The following CSMD3 variants were observed in gnomAD, a reference collection of about 807,000 sequenced individuals.
CSMD3 encodes CUB and sushi domain-containing protein 3.
CSMD3 carries 177 observed loss-of-function variants against 435.2 expected under a neutral mutation model. The ratio of observed to expected loss-of-function variants is 0.41; its 90% confidence interval spans 0.36 to 0.46. The LOEUF (loss-of-function observed/expected upper bound fraction) is 0.46, where lower values mean the gene tolerates loss of function less well. Among genes scored for constraint, CSMD3 ranks in the 20% least tolerant of loss-of-function variants. The pLI, the probability that CSMD3 is intolerant of heterozygous loss-of-function variation, is 0.34. For synonymous variants in CSMD3, 1,656 were observed against 1,520.5 expected (o/e 1.09, Z -2.07); for missense variants, 4,265 against 4,504.6 (o/e 0.95, Z 1.52).
At chr8:113,433,089 A>G (rs1292057767) in intron 1 of CSMD3, among the ~76,000 whole-genome samples, 1 of 152,132 alleles carries the variant, frequency 6.6e-6, no homozygotes, top group East Asian at 1.9e-4. Flanking sequence ...TCCAAACTAC[A>G]GCAGGAGGGG....
chr8:113,280,226 G>A (rs1051641183), intron 2 of CSMD3, among the ~76,000 whole-genome samples: 6 of 151,938 alleles, frequency 3.9e-5, no homozygotes, highest in African/African-American at 1.2e-4. Context: ...TTGTGGAATA[G>A]TGTCAAAAGG....
chr8:112,872,674 A>T (rs76587761), intron 10 of CSMD3, among the ~76,000 whole-genome samples: 1,612 of 152,066 alleles, frequency 0.011, 30 homozygotes, highest in African/African-American at 0.036. Context: ...TCCCATTAGT[A>T]TTAAGGATGA....
At chr8:112,478,259 C>A (rs1819269028) in intron 31 of CSMD3, among the ~76,000 whole-genome samples, 1 of 152,014 alleles carries the variant, frequency 6.6e-6, no homozygotes, top group African/African-American at 2.4e-5. Flanking sequence ...TATAAGGATA[C>A]CTGGAAATGT....
intron 1 of CSMD3, among the ~76,000 whole-genome samples, chr8:113,360,798 C>G (rs1161654094): frequency 6.6e-6 from 1 of 151,922 alleles, no homozygotes; most frequent in Non-Finnish European, 1.5e-5. Context: ...TGGTCTCGAT[C>G]TCCTGACCTC....
intron 31 of CSMD3, among the ~76,000 whole-genome samples, chr8:112,489,447 T>C (rs1304847181): frequency 6.6e-6 from 1 of 152,032 alleles, no homozygotes; most frequent in Non-Finnish European, 1.5e-5. Context: ...AGATATTAAG[T>C]TATTACATCT....
intron 17 of CSMD3, among the ~76,000 whole-genome samples, chr8:112,662,370 A>G (rs2075405187): frequency 6.6e-6 from 1 of 152,134 alleles, no homozygotes; most frequent in Admixed American, 6.6e-5. Flanking sequence ...ATAATGCCAC[A>G]TATCTACAAC....
chr8:112,238,867 G>T (rs1427432931), intron 66 of CSMD3, among the ~76,000 whole-genome samples: 1 of 152,058 alleles, frequency 6.6e-6, no homozygotes, highest in Admixed American at 6.6e-5. Context: ...TAGCTATGAA[G>T]AATCCAGATT....
chr8:112,872,632 T>TGCC (rs1351807905), intron 10 of CSMD3, among the ~76,000 whole-genome samples: 2 of 152,012 alleles, frequency 1.3e-5, no homozygotes, highest in Non-Finnish European at 2.9e-5. Flanking sequence ...TCTACAGCGC[T>TGCC]GCCTCCCTTT....
chr8:112,842,606 G>A (rs1331183447), intron 11 of CSMD3, among the ~76,000 whole-genome samples: 2 of 151,718 alleles, frequency 1.3e-5, no homozygotes, highest in East Asian at 1.9e-4. Flanking sequence ...CCTTTCAAGA[G>A]TCATAAGAAA....
chr8:112,793,927 A>G (rs967233996), intron 13 of CSMD3, among the ~76,000 whole-genome samples: 1 of 152,192 alleles, frequency 6.6e-6, no homozygotes, highest in Non-Finnish European at 1.5e-5. Context: ...CTGTGTTGAA[A>G]TAATTAAACA....
intron 13 of CSMD3, among the ~76,000 whole-genome samples, chr8:112,698,758 G>A (rs1253159409): frequency 6.6e-6 from 1 of 152,138 alleles, no homozygotes. Context: ...TGGGACAGAA[G>A]GGAAAACATT....
intron 9 of CSMD3, among the ~76,000 whole-genome samples, chr8:112,929,259 G>T (rs1319503890): frequency 6.8e-6 from 1 of 148,060 alleles, no homozygotes. Flanking sequence ...GATAGCATTG[G>T]GAGATATACC....
At position 112,433,605 on chromosome 8, in the gene CSMD3, C is replaced by T. The variant is rs72674786; in HGVS notation, c.5396-24573G>A. On this transcript the variant is annotated intron_variant, in intron 32 of 70. Transcript: ENST00000297405. ...CTGGGTGGTCCAGGCTGCAGTGAGT[C>T]AGGATCATGCCATTGCACTTCAGCC... Among the ~76,000 whole-genome samples the T allele has an allele frequency of 3.5e-3, 444 of 127,864 alleles. 2 individuals are homozygous for T. The highest frequency in any genetic ancestry group is 0.03 in the Middle Eastern group (5 of 164). 83.9% of individuals were successfully genotyped at this position (127,864 alleles called of 152,430 possible).
intron 13 of CSMD3, among the ~76,000 whole-genome samples, chr8:112,752,308 T>G (rs974043440): frequency 3.3e-5 from 5 of 152,170 alleles, no homozygotes; most frequent in African/African-American, 1.2e-4. Flanking sequence ...TTGGTCCTCT[T>G]TTTATTTCCT....
chr8:112,546,579 GA>G (rs1294137928), intron 27 of CSMD3, among the ~76,000 whole-genome samples: 2 of 152,146 alleles, frequency 1.3e-5, no homozygotes, highest in African/African-American at 4.8e-5. Flanking sequence ...GAAGAGCATA[GA>G]AAATGCTCTG....
At chr8:113,068,344 A>G (rs544576913) in intron 5 of CSMD3, among the ~76,000 whole-genome samples, 1 of 152,242 alleles carries the variant, frequency 6.6e-6, no homozygotes, top group African/African-American at 2.4e-5. Flanking sequence ...TTATATTCCA[A>G]TGAGATGGAC....
At chr8:112,404,295 C>A (rs900382389) in intron 35 of CSMD3, among the ~76,000 whole-genome samples, 1 of 151,996 alleles carries the variant, frequency 6.6e-6, no homozygotes, top group Non-Finnish European at 1.5e-5. Context: ...TTTGGGAGGC[C>A]GAGGCGGGTG....
At chr8:113,342,762 C>T (rs1344644978) in intron 1 of CSMD3, among the ~76,000 whole-genome samples, 1 of 152,140 alleles carries the variant, frequency 6.6e-6, no homozygotes, top group Non-Finnish European at 1.5e-5. Flanking sequence ...ATAAAAACTA[C>T]TCAATTTCCA....
At chr8:112,242,229 A>G (rs1255974066) in intron 65 of CSMD3, among the ~76,000 whole-genome samples, 1 of 152,126 alleles carries the variant, frequency 6.6e-6, no homozygotes, top group Non-Finnish European at 1.5e-5. Flanking sequence ...CAGAAATTGG[A>G]TAGACTTAAA....
Sources: allele counts gnomAD v4.1 joint callset (sites outside exome capture counted in the v4.1 genomes callset), GRCh38; gene constraint gnomAD v4.1.1; transcripts MANE v1.5; gene names NCBI Gene and HGNC (gene_info 2026-07-23, HGNC 2026-07-21).